The following ECT2L variants were observed in gnomAD, a reference collection of about 807,000 sequenced individuals.
ECT2L encodes epithelial cell-transforming sequence 2 oncogene-like.
ECT2L carries 126 observed loss-of-function variants against 122.8 expected under a neutral mutation model. The observed-to-expected ratio is 1.03, with a 90% CI of 0.89 to 1.19. ECT2L has a LOEUF of 1.19. Among genes scored for constraint, ECT2L ranks in the 50% most tolerant of loss-of-function variants. ECT2L has a pLI of 0.00. For missense variants in ECT2L, 1,012 were observed against 1,064.1 expected, an observed-to-expected ratio of 0.95 and a Z score of 0.68; for synonymous variants, 385 against 381.8, an observed-to-expected ratio of 1.01 and a Z score of -0.10.
intron 4 of ECT2L, among the ~76,000 whole-genome samples, chr6:138,828,569 T>C (rs1029107951): frequency 6.6e-6 from 1 of 152,228 alleles, no homozygotes; most frequent in Admixed American, 6.5e-5. Context: ...TTAGCTGCCA[T>C]TGACAATCTT....
At chr6:138,860,540 T>G (rs1777788975) in intron 10 of ECT2L, among the ~76,000 whole-genome samples, 1 of 152,150 alleles carries the variant, frequency 6.6e-6, no homozygotes, top group Admixed American at 6.6e-5. Flanking sequence ...CATCCCAAAC[T>G]TTCAGCTGCT....
At chr6:138,827,579 TG>T (rs1275744020) in intron 4 of ECT2L, among the ~76,000 whole-genome samples, 6 of 152,136 alleles carry the variant, frequency 3.9e-5, no homozygotes, top group Admixed American at 3.9e-4. Context: ...TTTTTTGAGA[TG>T]GAGTCTCACT....
chr6:138,853,020 T>C (rs1168329145), intron 9 of ECT2L, among the ~76,000 whole-genome samples: 1 of 152,136 alleles, frequency 6.6e-6, no homozygotes, highest in African/African-American at 2.4e-5. Flanking sequence ...CAGGCTGGAG[T>C]ACAGCGGCAC....
At position 138,886,841 on chromosome 6, in the gene ECT2L, A is replaced by G. The variant is rs976930262; in HGVS notation, c.2260-16A>G. The stretch of plus-strand genomic sequence containing the variant: ...TCACAATTTTAGTTTGCCTAAAAGT[A>G]CTTTTTTTCCCCTAGATGAAGCAAA... On this transcript the variant is annotated splice_polypyrimidine_tract_variant and intron_variant, in intron 18 of 21. Coordinates refer to ENST00000541398, the MANE Select transcript of ECT2L (RefSeq NM_001077706.3). The G allele has an allele frequency of 2.4e-5, 39 of 1,605,586 alleles. No individual in the cohort carries two copies. The highest frequency in any genetic ancestry group is 3.2e-5 in the Non-Finnish European group (37 of 1,173,456).
intron 1 of ECT2L, among the ~76,000 whole-genome samples, chr6:138,800,662 T>C (rs1775512347): frequency 2.0e-5 from 3 of 152,238 alleles, no homozygotes; most frequent in Non-Finnish European, 4.4e-5. Context: ...GTTGATAAGT[T>C]GTCACAGTTG....
At chr6:138,798,181 T>C (rs1459406178) in intron 1 of ECT2L, among the ~76,000 whole-genome samples, 4 of 152,190 alleles carry the variant, frequency 2.6e-5, no homozygotes, top group Non-Finnish European at 4.4e-5. Context: ...TCCTTTGGGA[T>C]TTTAATGGAG....
intron 10 of ECT2L, among the ~76,000 whole-genome samples, chr6:138,856,455 C>A (rs527284500): frequency 6.6e-6 from 1 of 152,058 alleles, no homozygotes; most frequent in Admixed American, 6.6e-5. Flanking sequence ...CCTCATGATC[C>A]GCCCACCTCA....
intron 20 of ECT2L, among the ~76,000 whole-genome samples, chr6:138,893,176 TTTTTTTTTG>T (rs1446267881): frequency 2.8e-5 from 4 of 144,280 alleles, no homozygotes; most frequent in East Asian, 2.0e-4. Flanking sequence ...TTTTTTTTGT[TTTTTTTTTG>T]TTTTTTTTTG....
At chr6:138,899,098 G>A (rs570647072) in intron 20 of ECT2L, among the ~76,000 whole-genome samples, 1 of 151,802 alleles carries the variant, frequency 6.6e-6, no homozygotes, top group African/African-American at 2.4e-5. Context: ...CAAATATTAG[G>A]ACTTTGTTTC....
chr6:138,802,342 T>C (rs776634814), intron 1 of ECT2L, among the ~76,000 whole-genome samples: 1 of 152,260 alleles, frequency 6.6e-6, no homozygotes, highest in African/African-American at 2.4e-5. Context: ...CACTTGTCAC[T>C]CATAGAAACT....
intron 21 of ECT2L, among the ~76,000 whole-genome samples, chr6:138,902,179 T>C (rs1582680494): frequency 6.6e-6 from 1 of 152,348 alleles, no homozygotes; most frequent in East Asian, 1.9e-4. Flanking sequence ...GCATCTTTAT[T>C]TATAATAACT....
intron 9 of ECT2L, among the ~76,000 whole-genome samples, chr6:138,850,982 G>A (rs142613412): frequency 0.026 from 1,903 of 72,180 alleles, 35 homozygotes; most frequent in African/African-American, 0.093. Context: ...CAATAAGAGC[G>A]AAACTCCATC....
chr6:138,891,742 T>C (rs1779035178), intron 20 of ECT2L, among the ~76,000 whole-genome samples: 1 of 152,172 alleles, frequency 6.6e-6, no homozygotes, highest in Admixed American at 6.5e-5. Flanking sequence ...CTTGGGCACA[T>C]TTTCTCAGGA....
At position 138,868,102 on chromosome 6, in the gene ECT2L, G is replaced by A. The variant is rs535188438; in HGVS notation, c.1475-1G>A. 2 of 1,599,774 alleles carry A rather than the reference G, an allele frequency of 1.3e-6. No individual in the cohort carries two copies. The highest frequency in any genetic ancestry group is 2.2e-5 in the East Asian group (1 of 44,544). On this transcript the variant is annotated splice_acceptor_variant, in intron 12 of 21. Coordinates refer to ENST00000541398, the MANE Select transcript of ECT2L (RefSeq NM_001077706.3). LOFTEE classifies it high-confidence loss of function. ...CAGGGCATGTGGCCTTGTATTTACA[G>A]GGCAGTTTATGTTTGACACCATGGG...
chr6:138,857,437 T>C (rs1481733024), intron 10 of ECT2L, among the ~76,000 whole-genome samples: 1 of 152,088 alleles, frequency 6.6e-6, no homozygotes, highest in Non-Finnish European at 1.5e-5. Flanking sequence ...CTGCTGCCTC[T>C]AGGCCCTCCA....
At position 138,849,388 on chromosome 6, in the gene ECT2L, C is replaced by T. The variant is rs369630645; in HGVS notation, c.1023C>T (p.Ile341=). 9.3e-6 allele frequency: 15 copies of T among 1,613,602 alleles called. No individual in the cohort carries two copies. Among genetic ancestry groups the T allele is most frequent in the Middle Eastern group, 1.6e-4 (1 of 6,082 alleles). Residue 341 remains isoleucine, a synonymous_variant, in exon 9 of 22, where the codon ATC becomes ATT. Transcript: ENST00000541398. ...TGGATGGGCAGAAGGCACAGAGCATCGGAATATTTAGCGATGGAGACAGCA... is the reference window on the plus strand; with the variant it reads ...TGGATGGGCAGAAGGCACAGAGCATTGGAATATTTAGCGATGGAGACAGCA... ...KALDGQKAQS[I]GIFSDGDSRE...
rs1386276423 is a variant in ECT2L, at chr6:138,885,869, T to C, written c.2259+39T>C. ...AAGAATCTGTGTCCTTTAAACATGT[T>C]ACAATGCCTTTGTGGTACTCCCACT... On this transcript the variant is annotated intron_variant, in intron 18 of 21. Transcript: ENST00000541398. The C allele has an allele frequency of 3.2e-6, 5 of 1,586,686 alleles. No homozygotes were observed. In the African/African-American group the frequency reaches 6.8e-5, roughly 21 times the overall value.
At chr6:138,853,332 T>A (rs1002615337) in intron 9 of ECT2L, among the ~76,000 whole-genome samples, 1 of 152,212 alleles carries the variant, frequency 6.6e-6, no homozygotes, top group African/African-American at 2.4e-5. Context: ...TTTACTTCTA[T>A]ATAATTGTGT....
Position 138,813,210 on chromosome 6 carries a change from T to C in ECT2L, c.-65T>C, listed in dbSNP as rs1184540638. 6 of 1,222,770 alleles carry C rather than the reference T, an allele frequency of 4.9e-6. No individual in the cohort carries two copies. In the East Asian group the frequency reaches 1.4e-4, roughly 28 times the overall value. The allele number at this position is 1,222,770 out of a possible 1,614,324, so 75.7% of individuals were successfully genotyped here. A position where few individuals can be genotyped will look rare whatever the true frequency, so the allele number is the denominator to read the frequency against. On this transcript the variant is annotated 5_prime_UTR_variant, in exon 3 of 22. Transcript: ENST00000541398. The stretch of plus-strand genomic sequence containing the variant: ...CACACCTATTGAAATAAACCTGTAG[T>C]TTCTAGAAGTGGAAGAAAATTTGCT...
Sources: gnomAD v4.1 joint callset for allele counts (sites outside exome capture counted in the v4.1 genomes callset) on GRCh38, gnomAD v4.1.1 for gene constraint, MANE v1.5 for transcripts, NCBI Gene and HGNC (gene_info 2026-07-23, HGNC 2026-07-21) for gene names.